Variants in ZNF182 observed in about 807,000 individuals in gnomAD.
The protein encoded by ZNF182 is zinc finger protein 182, also known as zinc finger protein 21 (KOX 14).
In ZNF182, 10 loss-of-function variants were observed where a neutral mutation model predicts 28.1. The observed-to-expected ratio is 0.36, with a 90% CI of 0.22 to 0.60. The LOEUF is 0.60. ZNF182 is among the 20% of genes least tolerant of loss of function. ZNF182 has a pLI of 0.75. For missense variants in ZNF182, 352 were observed against 453.2 expected, an observed-to-expected ratio of 0.78 and a Z score of 2.03; for synonymous variants, 156 against 158.7, an observed-to-expected ratio of 0.98 and a Z score of 0.13.
chrX:47,995,385 T>G (rs2058955508), intron 3 of ZNF182, among the ~76,000 whole-genome samples: 1 of 111,372 alleles, frequency 9.0e-6, no homozygotes, highest in Non-Finnish European at 1.9e-5. Flanking sequence ...AGATAATAAC[T>G]GAAATAAATC....
At chrX:47,986,076 A>C (rs2058922305) in intron 3 of ZNF182, among the ~76,000 whole-genome samples, 1 of 112,143 alleles carries the variant, frequency 8.9e-6, no homozygotes, top group Non-Finnish European at 1.9e-5. Context: ...GTCAATGGGA[A>C]ACTACACCAA....
At chrX:47,986,819 C>T (rs1425843549) in intron 3 of ZNF182, among the ~76,000 whole-genome samples, 1 of 112,017 alleles carries the variant, frequency 8.9e-6, no homozygotes, top group Non-Finnish European at 1.9e-5. Flanking sequence ...GAGCTTCCGG[C>T]CTTCATCTTT....
At chrX:47,983,720 T>C (rs1556899431) in intron 3 of ZNF182, among the ~76,000 whole-genome samples, 1 of 111,726 alleles carries the variant, frequency 9.0e-6, no homozygotes, top group Non-Finnish European at 1.9e-5. Flanking sequence ...AGTAAAGCAG[T>C]AGGGAGAAGA....
chrX:47,982,089 T>C (rs1184125505), intron 5 of ZNF182, among the ~76,000 whole-genome samples: 2 of 111,913 alleles, frequency 1.8e-5, no homozygotes, highest in Non-Finnish European at 3.8e-5. Context: ...AATTGATGAA[T>C]GGACAAACAA....
At chrX:48,000,667 G>A (rs1315058361) in intron 3 of ZNF182, among the ~76,000 whole-genome samples, 1 of 112,189 alleles carries the variant, frequency 8.9e-6, no homozygotes, top group African/African-American at 3.2e-5. Context: ...GTTAGGCAAA[G>A]TTCTTAGACA....
intron 5 of ZNF182, among the ~76,000 whole-genome samples, chrX:47,978,315 C>T (rs5906527): frequency 0.36 from 38,979 of 109,648 alleles, 5,458 homozygotes; most frequent in Non-Finnish European, 0.44. Context: ...GCAATCCTCC[C>T]GCCTCAGCCT....
intron 3 of ZNF182, among the ~76,000 whole-genome samples, chrX:47,987,348 G>A (rs782552195): frequency 8.9e-6 from 1 of 112,060 alleles, no homozygotes; most frequent in African/African-American, 3.2e-5. Flanking sequence ...AAAGTAAAGG[G>A]ATAGGCAATG....
In ZNF182 at chrX:47,975,301, G is replaced by A. The variant is rs1169524751; in HGVS notation, c.*866C>T. 4 of 30,637 alleles carry A rather than the reference G, an allele frequency of 1.3e-4. No homozygotes were observed. Among genetic ancestry groups the A allele is most frequent in the Admixed American group, 4.9e-4 (1 of 2,032 alleles). 2.5% of individuals were successfully genotyped at this position (30,637 alleles called of 1,213,427 possible). ...CTTCCAATCTTTTGTTTTCACAAAC[G>A]CTGCATTAATGAATACTGTATGTTC... is the stretch of plus-strand genomic sequence containing the variant. On this transcript the variant is annotated 3_prime_UTR_variant, in exon 6 of 6. Coordinates refer to ENST00000376943, the MANE Select transcript of ZNF182 (RefSeq NM_001007088.2).
At position 47,977,367 on chromosome X, in the gene ZNF182, C is replaced by G. The variant is rs377188867; in HGVS notation, c.663G>C (p.Arg221Ser). 2 of 1,206,998 alleles carry G rather than the reference C, an allele frequency of 1.7e-6. No individual in the cohort carries two copies. The highest frequency in any genetic ancestry group is 2.2e-6 in the Non-Finnish European group (2 of 893,793). ...GGTGTGACTTCTTGCTGAAGGTTTT[C>G]CTACATGCAGTACATTCAAAGGGTT... ...GEKPFECTAC[R>S]KTFSKKSHLI... The change falls in exon 6 of 6, where the codon AGG (arginine) becomes AGC (serine). Residue 221 changes from arginine to serine, a missense_variant. Transcript: ENST00000376943.
At chrX:47,997,936 CA>C (rs2058964756) in intron 3 of ZNF182, among the ~76,000 whole-genome samples, 1 of 111,663 alleles carries the variant, frequency 9.0e-6, no homozygotes, top group Non-Finnish European at 1.9e-5. Context: ...ACTGTATACT[CA>C]ATACTCTTTT....
intron 3 of ZNF182, chrX:47,988,517 G>A (rs909723010): frequency 4.0e-6 from 2 of 497,853 alleles, no homozygotes. Context: ...CTTGCCATGT[G>A]ACATACCTGT....
chrX:47,977,790 A>G lies in ZNF182; in HGVS notation c.240T>C (p.Cys80=). ...KIPFWNFPEV[C]QVDEQIERQH... is the part of the protein sequence containing the mutation. ...GCCTCTCAATCTGTTCATCAACTTG[A>G]CAGACTTCTAGAAAGAAGTACAATA... Residue 80 remains cysteine (C), a synonymous_variant, in exon 6 of 6, where the codon TGT becomes TGC. Coordinates refer to ENST00000376943, the MANE Select transcript of ZNF182 (RefSeq NM_001007088.2). The G allele has an allele frequency of 8.6e-7, 1 of 1,169,138 alleles. No homozygotes were observed. Among genetic ancestry groups the G allele is most frequent in the South Asian group, 2.0e-5 (1 of 49,541 alleles).
At chrX:47,984,222 A>G (rs782636076) in intron 3 of ZNF182, among the ~76,000 whole-genome samples, 2 of 111,904 alleles carry the variant, frequency 1.8e-5, no homozygotes, top group Non-Finnish European at 3.8e-5. Context: ...AGCCACATTG[A>G]GACACCACTA....
chrX:48,001,987 A>G (rs1297531823), intron 3 of ZNF182, among the ~76,000 whole-genome samples: 1 of 112,058 alleles, frequency 8.9e-6, no homozygotes, highest in Non-Finnish European at 1.9e-5. Context: ...TAAAAAATAA[A>G]AATGTTTAAA....
At chrX:48,000,759 CAAT>C (rs199658025) in intron 3 of ZNF182, among the ~76,000 whole-genome samples, 2,226 of 111,361 alleles carry the variant, frequency 0.02, 35 homozygotes, top group Non-Finnish European at 0.028. Context: ...CTGCAAACAA[CAAT>C]GTTATGAGAG....
chrX:48,003,525 G>C lies in ZNF182; in HGVS notation c.-62C>G, dbSNP rs1382163751. 1 of 111,364 alleles carries C rather than the reference G, an allele frequency of 9.0e-6. No homozygotes were observed. The highest frequency in any genetic ancestry group is 1.9e-5 in the Non-Finnish European group (1 of 53,067). 9.2% of individuals were successfully genotyped at this position (111,364 alleles called of 1,213,427 possible). A position where few individuals can be genotyped will look rare whatever the true frequency, so the allele number is the denominator to read the frequency against. ...CTGCTCACCTCACCGGGGCCGCCTTGCCCAGAAGCCGGAAAGAGGCCTTCG... is the reference window on the plus strand; with the variant it reads ...CTGCTCACCTCACCGGGGCCGCCTTCCCCAGAAGCCGGAAAGAGGCCTTCG... On this transcript the variant is annotated 5_prime_UTR_variant, in exon 2 of 6. Transcript: ENST00000376943.
At chrX:47,999,378 A>G (rs1556901605) in intron 3 of ZNF182, among the ~76,000 whole-genome samples, 150 of 101,799 alleles carry the variant, frequency 1.5e-3, no homozygotes, top group African/African-American at 4.9e-3. Context: ...AAAAAAAAAA[A>G]GAAGGAAATT....
At chrX:47,989,778 T>C (rs1305168739) in intron 3 of ZNF182, among the ~76,000 whole-genome samples, 1 of 112,248 alleles carries the variant, frequency 8.9e-6, no homozygotes, top group East Asian at 2.8e-4. Flanking sequence ...AAACTCTATG[T>C]GTGATTTTTA....
intron 3 of ZNF182, among the ~76,000 whole-genome samples, chrX:47,990,202 A>G (rs2058936711): frequency 9.0e-6 from 1 of 111,298 alleles, no homozygotes; most frequent in African/African-American, 3.3e-5. Flanking sequence ...AATACAAATC[A>G]GGCACCCTCC....
Sources: allele counts gnomAD v4.1 joint callset (sites outside exome capture counted in the v4.1 genomes callset), GRCh38; gene constraint gnomAD v4.1.1; transcripts MANE v1.5; gene names NCBI Gene and HGNC (gene_info 2026-07-23, HGNC 2026-07-21).